The following NUBPL variants were observed in gnomAD, a reference collection of about 807,000 sequenced individuals.
NUBPL encodes the protein NUBP iron-sulfur cluster assembly factor, mitochondrial.
Under a neutral mutation model 45.7 loss-of-function variants are expected in NUBPL, and 31 were observed. The observed-to-expected ratio is 0.68, with a 90% CI of 0.51 to 0.92. The LOEUF is 0.92. Among genes scored for constraint, NUBPL ranks in the 40% least tolerant of loss-of-function variants. NUBPL has a pLI of 0.00. For synonymous variants in NUBPL, 144 were observed against 140.9 expected (o/e 1.02, Z -0.15); for missense variants, 401 against 398.7 (o/e 1.01, Z -0.05).
chr14:31,778,475 G>A (rs1183318084), intron 6 of NUBPL, among the ~76,000 whole-genome samples: 1 of 152,166 alleles, frequency 6.6e-6, no homozygotes, highest in Non-Finnish European at 1.5e-5. Flanking sequence ...TTTGTTATTG[G>A]GCTTTTATTA....
At chr14:31,599,632 A>C (rs1312238530) in intron 4 of NUBPL, among the ~76,000 whole-genome samples, 2 of 152,210 alleles carry the variant, frequency 1.3e-5, no homozygotes. Context: ...AAGACTCAAA[A>C]CACTTCTAAT....
intron 3 of NUBPL, among the ~76,000 whole-genome samples, chr14:31,591,413 C>G (rs1383599037): frequency 6.6e-6 from 1 of 152,172 alleles, no homozygotes; most frequent in African/African-American, 2.4e-5. Context: ...CCTCCCGCCT[C>G]AGCCTCCTAA....
chr14:31,700,592 A>C (rs1279416277), intron 6 of NUBPL, among the ~76,000 whole-genome samples: 3 of 152,104 alleles, frequency 2.0e-5, no homozygotes, highest in Non-Finnish European at 4.4e-5. Context: ...CTTGCAGGCC[A>C]GCGCGAGTTC....
Position 31,700,047 on chromosome 14 carries a change from TA to T in NUBPL, c.513+26474del, listed in dbSNP as rs575169537. ...CAAACATCACATTGCACCACATAAA[TA>T]TACTGTGCAGTTATTATTTGTCAAT... On this transcript the variant is annotated intron_variant, in intron 6 of 10. Coordinates refer to ENST00000281081, the MANE Select transcript of NUBPL (RefSeq NM_025152.3). Among the ~76,000 whole-genome samples, 48 of 152,346 alleles carry T rather than the reference TA, an allele frequency of 3.2e-4. No homozygotes were observed. In the East Asian group the frequency reaches 8.1e-3, roughly 26 times the overall value.
chr14:31,800,270 G>A (rs1193900665), intron 7 of NUBPL, among the ~76,000 whole-genome samples: 1 of 152,128 alleles, frequency 6.6e-6, no homozygotes, highest in Non-Finnish European at 1.5e-5. Flanking sequence ...CCAAACTCCT[G>A]TTCATCTTGA....
At chr14:31,794,473 G>A (rs1458351532) in intron 7 of NUBPL, among the ~76,000 whole-genome samples, 1 of 14,754 alleles carries the variant, frequency 6.8e-5, no homozygotes, top group Non-Finnish European at 1.1e-4. Flanking sequence ...GCATTTCTCT[G>A]ATGGCCAGTG....
intron 4 of NUBPL, among the ~76,000 whole-genome samples, chr14:31,624,992 A>G (rs1259292993): frequency 1.3e-5 from 2 of 152,238 alleles, no homozygotes; most frequent in African/African-American, 2.4e-5. Flanking sequence ...TATCCAGTCC[A>G]AAATGGCAGT....
intron 6 of NUBPL, among the ~76,000 whole-genome samples, chr14:31,774,435 C>T (rs2138774546): frequency 6.6e-6 from 1 of 152,324 alleles, no homozygotes; most frequent in South Asian, 2.1e-4. Flanking sequence ...ATGTAGAATT[C>T]AACCTATTTG....
intron 10 of NUBPL, among the ~76,000 whole-genome samples, chr14:31,853,007 G>C (rs545639666): frequency 9.2e-4 from 140 of 152,344 alleles, no homozygotes; most frequent in Middle Eastern, 6.8e-3. Flanking sequence ...AACTTCTGCA[G>C]AAGTTAATGG....
At chr14:31,719,834 T>C (rs1191833766) in intron 6 of NUBPL, among the ~76,000 whole-genome samples, 1 of 152,176 alleles carries the variant, frequency 6.6e-6, no homozygotes, top group Non-Finnish European at 1.5e-5. Context: ...TACAATGAGA[T>C]CATGATAATG....
chr14:31,787,309 C>G (rs2039302043), intron 6 of NUBPL, among the ~76,000 whole-genome samples: 1 of 151,726 alleles, frequency 6.6e-6, no homozygotes, highest in African/African-American at 2.4e-5. Flanking sequence ...TATTGGGACT[C>G]AAGTTATATT....
chr14:31,572,400 A>AAGTT (rs1388495620), intron 3 of NUBPL, among the ~76,000 whole-genome samples: 3 of 151,962 alleles, frequency 2.0e-5, no homozygotes, highest in Non-Finnish European at 4.4e-5. Flanking sequence ...CGGCCTCCCA[A>AAGTT]AGTTCTGGGA....
rs2139521743 is a variant in NUBPL, at chr14:31,589,665, C to G, written c.292-9624C>G. On this transcript the variant is annotated intron_variant, in intron 3 of 10. Coordinates refer to ENST00000281081, the MANE Select transcript of NUBPL (RefSeq NM_025152.3). ...CCTTACCTGTTTTGCTCTTCCTCCT[C>G]CTCCACAAGCACACACACACCACAT... Among the ~76,000 whole-genome samples, 2 of 152,256 alleles carry G rather than the reference C, an allele frequency of 1.3e-5. 1 individual carries two copies. The highest frequency in any genetic ancestry group is 4.1e-4 in the South Asian group (2 of 4,828).
chr14:31,850,217 G>A lies in NUBPL; in HGVS notation c.897+16G>A, dbSNP rs527339247. ...AAGTGATGAGGTAAGTTCCATTTTT[G>A]GATACATATTTTTATTTCTTTTTAT... On this transcript the variant is annotated intron_variant, in intron 10 of 10. Transcript: ENST00000281081. 6.3e-7 allele frequency: 1 copy of A among 1,592,938 alleles called. No individual in the cohort carries two copies. Among genetic ancestry groups the A allele is most frequent in the Admixed American group, 1.7e-5 (1 of 59,958 alleles).
chr14:31,644,172 C>G (rs1424352467), intron 4 of NUBPL, among the ~76,000 whole-genome samples: 1 of 151,706 alleles, frequency 6.6e-6, no homozygotes, highest in Non-Finnish European at 1.5e-5. Context: ...ATTATTTCTT[C>G]CCTTCTGTTA....
intron 6 of NUBPL, among the ~76,000 whole-genome samples, chr14:31,765,294 A>G (rs781139811): frequency 6.6e-6 from 1 of 152,262 alleles, no homozygotes; most frequent in Non-Finnish European, 1.5e-5. Context: ...CACTTAAGTC[A>G]TCTAGGCACA....
chr14:31,763,522 A>G (rs1178736447), intron 6 of NUBPL, among the ~76,000 whole-genome samples: 1 of 152,198 alleles, frequency 6.6e-6, no homozygotes, highest in Non-Finnish European at 1.5e-5. Flanking sequence ...TGAAAGAAAG[A>G]GAAACACTGA....
chr14:31,811,028 T>G (rs2039794029), intron 7 of NUBPL, among the ~76,000 whole-genome samples: 1 of 152,198 alleles, frequency 6.6e-6, no homozygotes, highest in Non-Finnish European at 1.5e-5. Flanking sequence ...TAACCCGCCC[T>G]TTCTCTCTGG....
intron 7 of NUBPL, among the ~76,000 whole-genome samples, chr14:31,811,142 T>A (rs2039796548): frequency 6.6e-6 from 1 of 152,192 alleles, no homozygotes; most frequent in Non-Finnish European, 1.5e-5. Context: ...TTCTCTGTAC[T>A]TCCTGAATTT....
Sources: allele counts gnomAD v4.1 joint callset (sites outside exome capture counted in the v4.1 genomes callset), GRCh38; gene constraint gnomAD v4.1.1; transcripts MANE v1.5; gene names NCBI Gene and HGNC (gene_info 2026-07-23, HGNC 2026-07-21).